Variants in PCCA observed in about 807,000 individuals in gnomAD.
PCCA encodes propionyl-CoA carboxylase alpha chain, mitochondrial.
A neutral mutation model predicts 101.3 loss-of-function variants in PCCA; 74 were observed. The observed-to-expected ratio is 0.73, with a 90% confidence interval of 0.61 to 0.89. The LOEUF is 0.89. Among genes scored for constraint, PCCA ranks in the 40% least tolerant of loss-of-function variants. The pLI is 0.00. For synonymous variants in PCCA, 294 were observed against 313.6 expected (o/e 0.94, Z 0.66); for missense variants, 891 against 907.0 (o/e 0.98, Z 0.23).
At chr13:100,285,838 A>G (rs2064585239) in intron 12 of PCCA, among the ~76,000 whole-genome samples, 1 of 152,132 alleles carries the variant, frequency 6.6e-6, no homozygotes, top group Non-Finnish European at 1.5e-5. Flanking sequence ...ATGGAAGTTC[A>G]TTTGTGGAGA....
intron 20 of PCCA, among the ~76,000 whole-genome samples, chr13:100,440,886 C>G (rs2080321446): frequency 6.6e-6 from 1 of 152,118 alleles, no homozygotes; most frequent in South Asian, 2.1e-4. Context: ...CATATCAATA[C>G]AGCTACACAT....
rs999993660 is a variant in PCCA, at chr13:100,267,597, G to A, written c.820-1092G>A. 1.1e-4 allele frequency among the ~76,000 whole-genome samples: 16 copies of A among 151,858 alleles called. 1 individual carries two copies. Among genetic ancestry groups the A allele is most frequent in the Admixed American group, 1.1e-3 (16 of 15,232 alleles). ...AACTAAAATTAGTGCCTGGTCTTTG[G>A]GCTTCTAAAACAGATCTTACCTCTG... On this transcript the variant is annotated intron_variant, in intron 10 of 23. Coordinates refer to ENST00000376285, the MANE Select transcript of PCCA (RefSeq NM_000282.4).
intron 21 of PCCA, among the ~76,000 whole-genome samples, chr13:100,498,636 C>T (rs887066812): frequency 6.6e-6 from 1 of 152,170 alleles, no homozygotes; most frequent in African/African-American, 2.4e-5. Context: ...AACCCCATTT[C>T]CATTAAGTGA....
intron 20 of PCCA, among the ~76,000 whole-genome samples, chr13:100,434,196 G>A (rs1018516052): frequency 1.1e-4 from 16 of 152,184 alleles, no homozygotes; most frequent in African/African-American, 3.6e-4. Flanking sequence ...AAGGCAGGGA[G>A]GGGTTAGAGT....
intron 8 of PCCA, among the ~76,000 whole-genome samples, chr13:100,253,791 A>G (rs539435901): frequency 2.5e-4 from 38 of 151,242 alleles, no homozygotes; most frequent in Non-Finnish European, 3.8e-4. Context: ...AGGTAGTAGC[A>G]GTAAGCATCC....
intron 23 of PCCA, among the ~76,000 whole-genome samples, chr13:100,528,897 G>A (rs1345828325): frequency 6.6e-6 from 1 of 152,196 alleles, no homozygotes; most frequent in African/African-American, 2.4e-5. Context: ...GCCTAGGTGT[G>A]GGGGACCGAG....
chr13:100,398,863 T>G, intron 19 of PCCA, among the ~76,000 whole-genome samples: 1 of 152,200 alleles, frequency 6.6e-6, no homozygotes, highest in East Asian at 1.9e-4. Flanking sequence ...TTGCTTCAGT[T>G]GTGAAATTTA....
In PCCA at chr13:100,246,930, A is replaced by G. The variant is rs559138820; in HGVS notation, c.638-10665A>G. Among the ~76,000 whole-genome samples the G allele has an allele frequency of 1.1e-4, 16 of 150,732 alleles. No individual in the cohort carries two copies. The South Asian group carries it at 1.3e-3, about 12-fold the overall frequency. On this transcript the variant is annotated intron_variant, in intron 8 of 23. Transcript: ENST00000376285. The stretch of plus-strand genomic sequence containing the variant: ...TTTTTTTTTTTTTTTAATTAAGACA[A>G]TGGAGTCTCACTCTGTCACCCAGGC...
At chr13:100,107,173 A>G (rs1255989780) in intron 2 of PCCA, among the ~76,000 whole-genome samples, 2 of 152,252 alleles carry the variant, frequency 1.3e-5, no homozygotes, top group African/African-American at 2.4e-5. Context: ...ACATTTTATC[A>G]GTGACTTACA....
In PCCA at chr13:100,519,386, G is replaced by A. The variant is rs1036968381; in HGVS notation, c.2040+3819G>A. 6.6e-5 allele frequency among the ~76,000 whole-genome samples: 10 copies of A among 152,332 alleles called. No homozygotes were observed. In the East Asian group the frequency reaches 1.7e-3, roughly 26 times the overall value. ...GGGCTAAGATGAAAAGATCCACCTC[G>A]TGATGGAATTGACCTTCAGCAGGGG... is the stretch of plus-strand genomic sequence containing the variant. On this transcript the variant is annotated intron_variant, in intron 22 of 23. Transcript: ENST00000376285.
At chr13:100,289,796 A>G (rs1285543168) in intron 12 of PCCA, among the ~76,000 whole-genome samples, 2 of 152,104 alleles carry the variant, frequency 1.3e-5, no homozygotes, top group Admixed American at 6.5e-5. Context: ...CTTCTAAGCT[A>G]TTTTTAGTTT....
At chr13:100,521,100 T>C (rs1426002143) in intron 22 of PCCA, among the ~76,000 whole-genome samples, 1 of 152,250 alleles carries the variant, frequency 6.6e-6, no homozygotes, top group Non-Finnish European at 1.5e-5. Flanking sequence ...TAGTTCTCTT[T>C]GTAACTGCAG....
At chr13:100,201,474 T>A (rs1350556806) in intron 6 of PCCA, among the ~76,000 whole-genome samples, 4 of 152,182 alleles carry the variant, frequency 2.6e-5, no homozygotes, top group Admixed American at 2.6e-4. Context: ...ATAATTTTTA[T>A]GTGTAATGAT....
chr13:100,526,930 A>G (rs2087879671), intron 22 of PCCA, among the ~76,000 whole-genome samples: 2 of 152,236 alleles, frequency 1.3e-5, no homozygotes, highest in South Asian at 4.1e-4. Flanking sequence ...GAATGCATGT[A>G]GCTCTGGAAG....
At chr13:100,455,327 C>T (rs2081623564) in intron 21 of PCCA, among the ~76,000 whole-genome samples, 1 of 152,208 alleles carries the variant, frequency 6.6e-6, no homozygotes, top group Non-Finnish European at 1.5e-5. Flanking sequence ...CACTCATTCT[C>T]TCCCTGCACA....
chr13:100,125,278 G>C (rs1339901412), intron 4 of PCCA, among the ~76,000 whole-genome samples: 1 of 152,250 alleles, frequency 6.6e-6, no homozygotes, highest in East Asian at 1.9e-4. Flanking sequence ...AATTAGATCA[G>C]AAATATTTCC....
intron 21 of PCCA, among the ~76,000 whole-genome samples, chr13:100,484,596 C>T (rs1442484735): frequency 6.6e-6 from 1 of 152,010 alleles, no homozygotes; most frequent in South Asian, 2.1e-4. Context: ...TTTCTTTTTT[C>T]CCCCCTGTAG....
intron 14 of PCCA, among the ~76,000 whole-genome samples, chr13:100,304,423 C>T (rs1037166032): frequency 6.6e-6 from 1 of 152,158 alleles, no homozygotes; most frequent in Non-Finnish European, 1.5e-5. Context: ...ACAGTAGATG[C>T]GTTGACAGCT....
At chr13:100,422,227 G>A (rs908434020) in intron 19 of PCCA, among the ~76,000 whole-genome samples, 1 of 150,106 alleles carries the variant, frequency 6.7e-6, no homozygotes, top group Admixed American at 6.6e-5. Context: ...GGAAGGCCTG[G>A]GCTCAAGCAA....
Sources: allele counts gnomAD v4.1 joint callset (sites outside exome capture counted in the v4.1 genomes callset), GRCh38; gene constraint gnomAD v4.1.1; transcripts MANE v1.5; gene names NCBI Gene and HGNC (gene_info 2026-07-23, HGNC 2026-07-21).